PRKCE: variants seen among roughly 807,000 people sequenced by gnomAD.
PRKCE encodes protein kinase C epsilon.
Under a neutral mutation model 85.4 loss-of-function variants are expected in PRKCE, and 16 were observed. The observed-to-expected ratio is 0.19, with a 90% CI of 0.13 to 0.28. The LOEUF is 0.28. Ranked by LOEUF, PRKCE falls within the 10% of genes least tolerant of loss-of-function variation. PRKCE has a pLI of 1.00. For missense variants in PRKCE, 573 were observed against 975.2 expected, an observed-to-expected ratio of 0.59 and a Z score of 5.49; for synonymous variants, 388 against 371.5, an observed-to-expected ratio of 1.04 and a Z score of -0.51.
intron 11 of PRKCE, among the ~76,000 whole-genome samples, chr2:46,112,318 G>C (rs1672337248): frequency 6.6e-6 from 1 of 152,140 alleles, no homozygotes; most frequent in Non-Finnish European, 1.5e-5. Context: ...AAAACAGATA[G>C]TGGAGTATTG....
intron 6 of PRKCE, among the ~76,000 whole-genome samples, chr2:45,993,646 C>G (rs1400460846): frequency 6.6e-6 from 1 of 152,144 alleles, no homozygotes; most frequent in African/African-American, 2.4e-5. Flanking sequence ...TCAAGAAATT[C>G]TCAACTTGGC....
At chr2:45,883,075 C>T (rs1558790457) in intron 2 of PRKCE, among the ~76,000 whole-genome samples, 1 of 152,222 alleles carries the variant, frequency 6.6e-6, no homozygotes, top group Admixed American at 6.5e-5. Flanking sequence ...GGGAAAAAAG[C>T]CTTCTATCTT....
rs780111306 is a variant in PRKCE, at chr2:45,774,735, C to T, written c.349-68265C>T. On this transcript the variant is annotated intron_variant, in intron 1 of 14. Transcript: ENST00000306156. This position sits in a 1 kb window ranked among gnomAD's most constrained non-coding sequence, Gnocchi z 4.3. ...GATAGATGAATCAAGCCGGGACGCC[C>T]AGTCACCCTGACTTTGACTCTTTCC... Among the ~76,000 whole-genome samples, 33 of 152,214 alleles carry T rather than the reference C, an allele frequency of 2.2e-4. No individual in the cohort carries two copies. Among genetic ancestry groups the T allele is most frequent in the Admixed American group, 1.1e-3 (17 of 15,302 alleles).
At chr2:45,997,155 G>C (rs1048531915) in intron 6 of PRKCE, among the ~76,000 whole-genome samples, 1 of 152,020 alleles carries the variant, frequency 6.6e-6, no homozygotes, top group Non-Finnish European at 1.5e-5. Context: ...GATCCATAAT[G>C]ATGTCCTCTC....
At chr2:45,651,444 G>A (rs1379339597), upstream of PRKCE, 1 of 152,006 alleles carries the variant, frequency 6.6e-6, no homozygotes, top group Non-Finnish European at 1.5e-5. Context: ...CCCAGGAGGC[G>A]GCGGCCCCGG....
rs967295772 is a variant in PRKCE, at chr2:46,101,991, A to G, written c.1592+15629A>G. 2.0e-5 allele frequency among the ~76,000 whole-genome samples: 3 copies of G among 152,134 alleles called. No homozygotes were observed. The East Asian group carries it at 5.8e-4, about 29-fold the overall frequency. ...AACAACCAGCTCACAAAATTCCTGA[A>G]ATTTTAACAATCTGCTCTTGTGAGC... On this transcript the variant is annotated intron_variant, in intron 11 of 14. Coordinates refer to ENST00000306156, the MANE Select transcript of PRKCE (RefSeq NM_005400.3).
At chr2:46,103,635 C>A (rs1353075813) in intron 11 of PRKCE, among the ~76,000 whole-genome samples, 2 of 152,080 alleles carry the variant, frequency 1.3e-5, no homozygotes, top group East Asian at 3.8e-4. Flanking sequence ...CTACTGATGC[C>A]CTACTGTTGC....
rs1053012515 is a variant in PRKCE at position 45,940,544 on chromosome 2, A to G, written c.413-35885A>G. ...TCAGTCAAAGAAATGGAAGAAGCAG[A>G]GAACACGTTAATTGGAGCAAGAAGA... On this transcript the variant is annotated intron_variant, in intron 2 of 14. Transcript: ENST00000306156. Among the ~76,000 whole-genome samples the G allele has an allele frequency of 3.2e-4, 48 of 152,338 alleles. 1 individual carries two copies. The highest frequency in any genetic ancestry group is 2.8e-3 in the Admixed American group (43 of 15,310).
At chr2:45,672,317 TCCATCCAC>T (rs372604322) in intron 1 of PRKCE, among the ~76,000 whole-genome samples, 18 of 151,922 alleles carry the variant, frequency 1.2e-4, no homozygotes, top group African/African-American at 4.3e-4. Flanking sequence ...TATCCATCCA[TCCATCCAC>T]CCATCAATTC....
chr2:45,978,778 G>C (rs1331566405), intron 3 of PRKCE, 198 bp from the exon 4 acceptor site: 3 of 554,954 alleles, frequency 5.4e-6, no homozygotes, highest in Non-Finnish European at 9.6e-6. Flanking sequence ...ACCTCCCCAA[G>C]CACTGGGACT....
intron 1 of PRKCE, among the ~76,000 whole-genome samples, chr2:45,787,571 G>C (rs1041024855): frequency 1.3e-5 from 2 of 152,176 alleles, no homozygotes; most frequent in Admixed American, 1.3e-4. Context: ...TGATGAGAGG[G>C]AGGGGTGACA....
chr2:45,657,207 A>T (rs1318895459), intron 1 of PRKCE, among the ~76,000 whole-genome samples: 1 of 152,218 alleles, frequency 6.6e-6, no homozygotes, highest in Non-Finnish European at 1.5e-5. Flanking sequence ...TCTGTAGAAG[A>T]GGCAGGCACT....
At chr2:46,010,750 C>G in intron 10 of PRKCE, 3 of 1,598,072 alleles carry the variant, frequency 1.9e-6, no homozygotes, top group Non-Finnish European at 2.5e-6. Flanking sequence ...TTCTTTGCAG[C>G]CAGAGTTGGA....
At chr2:45,682,894 G>C (rs532515495) in intron 1 of PRKCE, among the ~76,000 whole-genome samples, 1 of 152,092 alleles carries the variant, frequency 6.6e-6, no homozygotes, top group Non-Finnish European at 1.5e-5. Context: ...TTTCTGCCAC[G>C]GTAAATTGAG....
intron 1 of PRKCE, among the ~76,000 whole-genome samples, chr2:45,824,134 T>C (rs1260470398): frequency 6.6e-6 from 1 of 152,208 alleles, no homozygotes; most frequent in Admixed American, 6.5e-5. Flanking sequence ...ACTATGTTTG[T>C]TGGTGGAGAG....
intron 2 of PRKCE, among the ~76,000 whole-genome samples, chr2:45,950,069 A>G (rs970540460): frequency 6.6e-6 from 1 of 152,192 alleles, no homozygotes; most frequent in Non-Finnish European, 1.5e-5. Context: ...TGGTTATTAC[A>G]TCTATTCAAG....
chr2:45,860,664 G>A (rs890474833), intron 2 of PRKCE, among the ~76,000 whole-genome samples: 2 of 152,162 alleles, frequency 1.3e-5, no homozygotes, highest in Non-Finnish European at 2.9e-5. Context: ...GCTGTGGACT[G>A]AAGGGAGTGA....
chr2:45,857,768 C>T (rs1436178365), intron 2 of PRKCE, among the ~76,000 whole-genome samples: 3 of 151,982 alleles, frequency 2.0e-5, no homozygotes, highest in Admixed American at 6.6e-5. Context: ...AATAATTGTA[C>T]AAACTCTTTA....
At chr2:46,014,135 T>C (rs567187462) in intron 10 of PRKCE, among the ~76,000 whole-genome samples, 1 of 152,322 alleles carries the variant, frequency 6.6e-6, no homozygotes, top group Non-Finnish European at 1.5e-5. Context: ...GCTCCAGCTT[T>C]CCAGGGCTAG....
Sources: allele counts gnomAD v4.1 joint callset (sites outside exome capture counted in the v4.1 genomes callset), GRCh38; gene constraint gnomAD v4.1.1; non-coding constraint Gnocchi (gnomAD v3.1); transcripts MANE v1.5; gene names NCBI Gene and HGNC (gene_info 2026-07-23, HGNC 2026-07-21).